DLGAP2: variants seen among roughly 807,000 people sequenced by gnomAD.
DLGAP2 encodes DLG associated protein 2, also known as disks large-associated protein 2.
In DLGAP2, 26 loss-of-function variants were observed where a neutral mutation model predicts 100.3. The observed-to-expected ratio is 0.26, with a 90% CI of 0.19 to 0.36. The LOEUF is 0.36. Among genes scored for constraint, DLGAP2 ranks in the 10% least tolerant of loss-of-function variants. The pLI is 1.00. For synonymous variants in DLGAP2, 886 were observed against 630.1 expected, an observed-to-expected ratio of 1.41 and a Z score of -6.08; for missense variants, 1,858 against 1,453.2, an observed-to-expected ratio of 1.28 and a Z score of -4.53.
chr8:1,201,134 G>T (rs952764598), intron 2 of DLGAP2, among the ~76,000 whole-genome samples: 1 of 152,236 alleles, frequency 6.6e-6, no homozygotes, highest in African/African-American at 2.4e-5. Flanking sequence ...GTGGGAGGAA[G>T]AGGAGGATGC....
chr8:1,601,087 T>A (rs1473742899), intron 6 of DLGAP2, among the ~76,000 whole-genome samples: 1 of 152,186 alleles, frequency 6.6e-6, no homozygotes, highest in African/African-American at 2.4e-5. Context: ...ATGTTGATGC[T>A]ATTACTTTCT....
intron 1 of DLGAP2, among the ~76,000 whole-genome samples, chr8:761,788 C>T (rs1403505755): frequency 1.3e-5 from 2 of 152,214 alleles, no homozygotes; most frequent in African/African-American, 4.8e-5. Context: ...GTCGCGCTGT[C>T]CTCACCCCTC....
intron 2 of DLGAP2, among the ~76,000 whole-genome samples, chr8:1,078,433 A>G (rs913378363): frequency 2.0e-5 from 3 of 152,166 alleles, no homozygotes; most frequent in Non-Finnish European, 2.9e-5. Flanking sequence ...CCCACAGCTT[A>G]TATCACATCC....
intron 2 of DLGAP2, among the ~76,000 whole-genome samples, chr8:1,051,178 T>C (rs1466659012): frequency 6.6e-6 from 1 of 151,984 alleles, no homozygotes; most frequent in Non-Finnish European, 1.5e-5. Context: ...CTGGGCAACA[T>C]TGTCAGCACC....
At chr8:1,380,887 G>T (rs185349556) in intron 3 of DLGAP2, among the ~76,000 whole-genome samples, 53 of 126,062 alleles carry the variant, frequency 4.2e-4, no homozygotes, top group African/African-American at 1.5e-3. Context: ...TATGATTTTG[G>T]TGACCATTTG....
At chr8:1,430,031 C>CATATATATATATATAT (rs1348003178) in intron 3 of DLGAP2, among the ~76,000 whole-genome samples, 3 of 37,968 alleles carry the variant, frequency 7.9e-5, no homozygotes, top group Admixed American at 4.2e-4. Flanking sequence ...TATATATACA[C>CATATATATATATATAT]ACACACACAT....
chr8:1,252,722 G>A (rs1463523880), intron 2 of DLGAP2, among the ~76,000 whole-genome samples: 2 of 152,250 alleles, frequency 1.3e-5, no homozygotes, highest in Non-Finnish European at 2.9e-5. Context: ...TGGCCATGGC[G>A]GCCAGGCAGG....
chr8:806,101 A>C lies in DLGAP2; in HGVS notation c.18+68276A>C, dbSNP rs193073118. Among the ~76,000 whole-genome samples the C allele has an allele frequency of 1.2e-4, 18 of 152,360 alleles. No individual in the cohort carries two copies. In the East Asian group the frequency reaches 3.3e-3, roughly 28 times the overall value. On this transcript the variant is annotated intron_variant, in intron 1 of 14. Transcript: ENST00000637795. ...CATGGAAAATTGGGTGTCAGTTATCAGCTTAAGACTCAAAGAAGATGCCAG... is the reference window on the plus strand; with the variant it reads ...CATGGAAAATTGGGTGTCAGTTATCCGCTTAAGACTCAAAGAAGATGCCAG...
Position 1,626,223 on chromosome 8 carries a change from G to A in DLGAP2, c.1443-517G>A, listed in dbSNP as rs535242026. 4.2e-3 allele frequency among the ~76,000 whole-genome samples: 591 copies of A among 140,716 alleles called. 6 individuals are homozygous for A. Among genetic ancestry groups the A allele is most frequent in the African/African-American group, 0.016 (557 of 35,050 alleles). The allele number at this position is 140,716 out of a possible 152,430, so 92.3% of individuals were successfully genotyped here. A position where few individuals can be genotyped will look rare whatever the true frequency, so the allele number is the denominator to read the frequency against. ...CTCAGCCTCTGGGTGTGGGTTGGAC[G>A]GCTGTTCCCATCTCTACCCTGCAGC... is the stretch of plus-strand genomic sequence containing the variant. On this transcript the variant is annotated intron_variant, in intron 6 of 14. Transcript: ENST00000637795.
At chr8:866,369 G>A (rs538291788) in intron 1 of DLGAP2, among the ~76,000 whole-genome samples, 40 of 152,356 alleles carry the variant, frequency 2.6e-4, no homozygotes, top group African/African-American at 8.4e-4. Context: ...CCAGGCGGGC[G>A]CAGGTGACCA....
chr8:935,570 C>T (rs147384551), intron 2 of DLGAP2, among the ~76,000 whole-genome samples: 1 of 152,174 alleles, frequency 6.6e-6, no homozygotes, highest in Non-Finnish European at 1.5e-5. Flanking sequence ...TGTGCTCACA[C>T]TGTATTTCTC....
intron 2 of DLGAP2, among the ~76,000 whole-genome samples, chr8:1,040,164 G>A (rs1421943716): frequency 7.1e-6 from 1 of 140,288 alleles, no homozygotes; most frequent in Non-Finnish European, 1.5e-5. Context: ...GGCTCGGTGT[G>A]TGTTGTCAGC....
chr8:1,269,457 G>T (rs1033112664), intron 3 of DLGAP2, among the ~76,000 whole-genome samples: 1 of 152,202 alleles, frequency 6.6e-6, no homozygotes, highest in Admixed American at 6.5e-5. Context: ...CAGGGCTTGT[G>T]TTTACACATT....
At chr8:1,261,491 TAAG>T (rs1178664585) in intron 3 of DLGAP2, among the ~76,000 whole-genome samples, 1 of 135,750 alleles carries the variant, frequency 7.4e-6, no homozygotes, top group Non-Finnish European at 1.5e-5. Context: ...GTACTCCAAA[TAAG>T]AAGACTCCCC....
At chr8:1,074,719 G>T (rs551054408) in intron 2 of DLGAP2, among the ~76,000 whole-genome samples, 2 of 152,324 alleles carry the variant, frequency 1.3e-5, no homozygotes, top group South Asian at 4.1e-4. Context: ...CCCACTCCTC[G>T]TCTTTCCAGT....
At chr8:1,181,428 G>C (rs542360056) in intron 2 of DLGAP2, among the ~76,000 whole-genome samples, 10 of 152,336 alleles carry the variant, frequency 6.6e-5, no homozygotes, top group African/African-American at 2.4e-4. Context: ...TGTTCCTGCA[G>C]GGCACGTGAT....
At chr8:1,698,942 G>A (rs1394809019) in intron 14 of DLGAP2, among the ~76,000 whole-genome samples, 2 of 152,064 alleles carry the variant, frequency 1.3e-5, no homozygotes, top group African/African-American at 4.8e-5. Context: ...GTCTGCATAA[G>A]CCATGCATGG....
At chr8:1,335,782 T>G (rs1801259433) in intron 3 of DLGAP2, among the ~76,000 whole-genome samples, 1 of 152,246 alleles carries the variant, frequency 6.6e-6, no homozygotes, top group African/African-American at 2.4e-5. Flanking sequence ...CCTTCCTTGT[T>G]CCAGAGTGGG....
At chr8:1,464,231 AGGACG>A (rs1798545903) in intron 3 of DLGAP2, among the ~76,000 whole-genome samples, 5 of 151,086 alleles carry the variant, frequency 3.3e-5, no homozygotes, top group East Asian at 1.9e-4. Flanking sequence ...GCTCCCTTCC[AGGACG>A]ACACCCTTCC....
Sources: allele counts gnomAD v4.1 joint callset (sites outside exome capture counted in the v4.1 genomes callset), GRCh38; gene constraint gnomAD v4.1.1; transcripts MANE v1.5; gene names NCBI Gene and HGNC (gene_info 2026-07-23, HGNC 2026-07-21).